FRMD4A: variants seen among roughly 807,000 people sequenced by gnomAD.
The protein encoded by FRMD4A is FERM domain containing 4A, also known as FERM domain-containing protein 4A.
Under a neutral mutation model 129.1 loss-of-function variants are expected in FRMD4A, and 29 were observed. The ratio of observed to expected loss-of-function variants is 0.22; its 90% CI spans 0.17 to 0.31. FRMD4A has a LOEUF of 0.31. FRMD4A is among the 10% of genes least tolerant of loss of function. The pLI is 1.00. For synonymous variants in FRMD4A, 634 were observed against 571.6 expected (o/e 1.11, Z -1.56); for missense variants, 1,272 against 1,375.8 (o/e 0.92, Z 1.19).
At chr10:14,188,678 A>G (rs1842223043) in intron 2 of FRMD4A, among the ~76,000 whole-genome samples, 1 of 152,204 alleles carries the variant, frequency 6.6e-6, no homozygotes, top group African/African-American at 2.4e-5. Context: ...GCTGAGGTGG[A>G]AGGCTCACTT....
chr10:14,260,761 G>T (rs1238586969), intron 2 of FRMD4A, among the ~76,000 whole-genome samples: 1 of 152,184 alleles, frequency 6.6e-6, no homozygotes, highest in Non-Finnish European at 1.5e-5. Flanking sequence ...CAGGAATTTT[G>T]TTAAGGCAAA....
chr10:13,991,903 T>G (rs2095604863), intron 2 of FRMD4A: 1 of 152,202 alleles, frequency 6.6e-6, no homozygotes, highest in African/African-American at 2.4e-5. Context: ...AAACAATAAG[T>G]TAAAAGTATG....
At chr10:13,670,678 T>G in intron 16 of FRMD4A, 150 bp from the exon 17 acceptor site, 1 of 654,852 alleles carries the variant, frequency 1.5e-6, no homozygotes, top group Non-Finnish European at 2.6e-6. Context: ...ATGTTCACAT[T>G]AAGCACTATG....
intron 2 of FRMD4A, among the ~76,000 whole-genome samples, chr10:14,044,580 A>G (rs7099081): frequency 0.37 from 55,817 of 152,128 alleles, 10,408 homozygotes; most frequent in East Asian, 0.56. Flanking sequence ...CTAGAAGCCC[A>G]GGAATGCCAA....
At chr10:14,128,196 G>C (rs1014286681) in intron 2 of FRMD4A, among the ~76,000 whole-genome samples, 1 of 150,582 alleles carries the variant, frequency 6.6e-6, no homozygotes, top group African/African-American at 2.5e-5. Context: ...ATCCACTTCC[G>C]GGCCTCAAGC....
chr10:14,280,982 A>ATTTTT (rs772555677), intron 2 of FRMD4A, among the ~76,000 whole-genome samples: 11 of 76,556 alleles, frequency 1.4e-4, no homozygotes, highest in African/African-American at 3.8e-4. Context: ...ACTGGTTTCA[A>ATTTTT]TTTTTTTTTT....
In FRMD4A at chr10:13,776,631, A is replaced by C. The variant is rs186069030; in HGVS notation, c.384+6291T>G. Among the ~76,000 whole-genome samples the C allele has an allele frequency of 5.7e-3, 866 of 152,358 alleles. 6 individuals are homozygous for C. The highest frequency in any genetic ancestry group is 0.014 in the Middle Eastern group (4 of 294). Reference sequence around the variant, plus strand: ...TGTCATCTATTACTTTGATAGAAACAAATATTAATACTTTAAAAAGTGAAT... The same window carrying C: ...TGTCATCTATTACTTTGATAGAAACCAATATTAATACTTTAAAAAGTGAAT... On this transcript the variant is annotated intron_variant, in intron 6 of 24. Transcript: ENST00000357447.
chr10:13,711,560 C>T (rs1344197244), intron 12 of FRMD4A, among the ~76,000 whole-genome samples: 4 of 152,224 alleles, frequency 2.6e-5, no homozygotes, highest in African/African-American at 4.8e-5. Flanking sequence ...ATGACTGGGC[C>T]GGTTCCCTTA....
chr10:14,010,873 C>G (rs1370536672), intron 2 of FRMD4A, among the ~76,000 whole-genome samples: 1 of 152,084 alleles, frequency 6.6e-6, no homozygotes, highest in Non-Finnish European at 1.5e-5. Flanking sequence ...CATTCATACT[C>G]TCACAGTTAT....
At chr10:13,934,262 G>A (rs1362556310) in intron 2 of FRMD4A, among the ~76,000 whole-genome samples, 1 of 152,198 alleles carries the variant, frequency 6.6e-6, no homozygotes, top group East Asian at 1.9e-4. Flanking sequence ...ACAGGGAACA[G>A]GTTCTAGTGA....
At chr10:13,663,355 G>C (rs2082782866) in intron 19 of FRMD4A, 98 bp downstream of exon 19, 4 of 740,710 alleles carry the variant, frequency 5.4e-6, no homozygotes, top group African/African-American at 5.3e-5. Flanking sequence ...TTTTGGCCTG[G>C]CTCTTGCCTT....
chr10:14,227,251 T>C (rs1843475052), intron 2 of FRMD4A, among the ~76,000 whole-genome samples: 1 of 123,150 alleles, frequency 8.1e-6, no homozygotes, highest in Non-Finnish European at 1.7e-5. Flanking sequence ...TTCTTTTTTT[T>C]TTTTTTTTTT....
intron 12 of FRMD4A, among the ~76,000 whole-genome samples, chr10:13,728,130 T>C (rs1344741632): frequency 6.6e-6 from 1 of 152,222 alleles, no homozygotes. Context: ...CTAGAAAGTC[T>C]AGGAATACAG....
At chr10:13,781,487 C>T (rs1303093916) in intron 6 of FRMD4A, among the ~76,000 whole-genome samples, 1 of 146,304 alleles carries the variant, frequency 6.8e-6, no homozygotes, top group Non-Finnish European at 1.5e-5. Context: ...AAGAGATTTT[C>T]CTGCCTCAGC....
intron 12 of FRMD4A, among the ~76,000 whole-genome samples, chr10:13,730,647 T>C (rs983681217): frequency 1.3e-5 from 2 of 152,066 alleles, no homozygotes; most frequent in African/African-American, 4.8e-5. Context: ...CTTCTTTCTA[T>C]TCCCACACAT....
chr10:13,769,236 T>C (rs554281232), intron 6 of FRMD4A, among the ~76,000 whole-genome samples: 4 of 151,574 alleles, frequency 2.6e-5, no homozygotes, highest in African/African-American at 9.7e-5. Flanking sequence ...TGTGTGTGTG[T>C]GTGCGTATGT....
At chr10:14,085,559 C>T (rs1184465320) in intron 2 of FRMD4A, among the ~76,000 whole-genome samples, 2 of 152,226 alleles carry the variant, frequency 1.3e-5, no homozygotes, top group Non-Finnish European at 2.9e-5. Context: ...AGCTTGCTTT[C>T]AGAGGGCTTG....
At chr10:14,273,924 C>T (rs887018749) in intron 2 of FRMD4A, among the ~76,000 whole-genome samples, 1 of 152,134 alleles carries the variant, frequency 6.6e-6, no homozygotes, top group African/African-American at 2.4e-5. Flanking sequence ...CAATCAGTTA[C>T]ATGAAGAATA....
chr10:14,129,127 G>A (rs1420171918), intron 2 of FRMD4A, among the ~76,000 whole-genome samples: 1 of 151,764 alleles, frequency 6.6e-6, no homozygotes, highest in Non-Finnish European at 1.5e-5. Context: ...CTTGCCTGAT[G>A]AGAATCAACC....
Sources: allele counts gnomAD v4.1 joint callset (sites outside exome capture counted in the v4.1 genomes callset), GRCh38; gene constraint gnomAD v4.1.1; transcripts MANE v1.5; gene names NCBI Gene and HGNC (gene_info 2026-07-23, HGNC 2026-07-21).